RIC3: variants seen among roughly 807,000 people sequenced by gnomAD.
RIC3 encodes RIC3 acetylcholine receptor chaperone.
Under a neutral mutation model 27.3 loss-of-function variants are expected in RIC3, and 28 were observed. The ratio of observed to expected loss-of-function variants is 1.02; its 90% CI spans 0.76 to 1.41. The LOEUF (loss-of-function observed/expected upper bound fraction) is 1.41. Ranked by LOEUF, RIC3 falls within the 40% of genes most tolerant of loss-of-function variation. The pLI, the probability that RIC3 is intolerant of heterozygous loss-of-function variation, is 0.00. For missense variants in RIC3, 501 were observed against 444.7 expected (o/e 1.13, Z -1.14); for synonymous variants, 184 against 160.4 (o/e 1.15, Z -1.11).
At chr11:8,132,295 A>C (rs1947830813) in intron 4 of RIC3, among the ~76,000 whole-genome samples, 1 of 152,194 alleles carries the variant, frequency 6.6e-6, no homozygotes, top group Non-Finnish European at 1.5e-5. Context: ...CCTTTTCAAT[A>C]ATCTTCTAGC....
intron 4 of RIC3, among the ~76,000 whole-genome samples, chr11:8,130,154 T>C (rs1246177067): frequency 6.6e-6 from 1 of 152,212 alleles, no homozygotes; most frequent in East Asian, 1.9e-4. Context: ...GTGCAAAGAT[T>C]AACGTGAGCC....
intron 4 of RIC3, among the ~76,000 whole-genome samples, chr11:8,127,862 T>C (rs756381114): frequency 2.6e-5 from 4 of 152,214 alleles, no homozygotes; most frequent in Admixed American, 6.5e-5. Context: ...CAGCCTAACT[T>C]TAGCCTTAAT....
Position 8,107,431 on chromosome 11 carries a change from A to T in RIC3, c.*3267T>A, listed in dbSNP as rs539506973. ...GAAAGAGGGTTTTGTTTGTTTAGTCATCAGGTTCAAAAATCTTAAATGGCT... is the reference window on the plus strand; with the variant it reads ...GAAAGAGGGTTTTGTTTGTTTAGTCTTCAGGTTCAAAAATCTTAAATGGCT... On this transcript the variant is annotated 3_prime_UTR_variant, in exon 6 of 6. Transcript: ENST00000309737. 6.6e-6 allele frequency: 1 copy of T among 152,214 alleles called. No homozygotes were observed. Among genetic ancestry groups the T allele is most frequent in the Non-Finnish European group, 1.5e-5 (1 of 68,038 alleles). 9.4% of individuals were successfully genotyped at this position (152,214 alleles called of 1,614,324 possible).
chr11:8,161,785 G>C (rs1262162412), intron 1 of RIC3, among the ~76,000 whole-genome samples: 8 of 151,392 alleles, frequency 5.3e-5, no homozygotes, highest in Non-Finnish European at 1.0e-4. Flanking sequence ...GTGGGACAAT[G>C]ACTTGAGGCC....
chr11:8,095,660 G>A, the RIC3 span: 3 of 1,597,388 alleles, frequency 1.9e-6, no homozygotes, highest in Non-Finnish European at 2.6e-6. Flanking sequence ...ACGATGCAGA[G>A]GAAGGGTGAG....
chr11:8,137,729 T>C (rs1391610618), intron 3 of RIC3, among the ~76,000 whole-genome samples: 2 of 148,718 alleles, frequency 1.3e-5, no homozygotes, highest in East Asian at 2.0e-4. Flanking sequence ...AAACATGATT[T>C]CCTGCAATGC....
the RIC3 span, chr11:8,096,612 T>A: frequency 4.0e-6 from 4 of 994,232 alleles, no homozygotes; most frequent in Non-Finnish European, 6.5e-6. Context: ...AACATGAGTA[T>A]GTGACCATGT....
downstream of RIC3, chr11:8,104,075 C>G (rs1216448069): frequency 6.6e-6 from 1 of 152,236 alleles, no homozygotes; most frequent in East Asian, 1.9e-4. Flanking sequence ...TTTTCCTTGA[C>G]CACTGGCCCT....
intron 1 of RIC3, among the ~76,000 whole-genome samples, chr11:8,162,147 A>G (rs1010484621): frequency 2.0e-5 from 3 of 152,236 alleles, no homozygotes; most frequent in African/African-American, 7.2e-5. Flanking sequence ...TTGAGAACGA[A>G]CCCAGAGTGA....
intron 1 of RIC3, among the ~76,000 whole-genome samples, chr11:8,145,708 G>C (rs1949609779): frequency 6.6e-6 from 1 of 151,936 alleles, no homozygotes; most frequent in Admixed American, 6.6e-5. Context: ...TCCATCAAGA[G>C]CAGTCAAAAG....
At chr11:8,128,990 G>A (rs978109903) in intron 4 of RIC3, among the ~76,000 whole-genome samples, 2 of 151,814 alleles carry the variant, frequency 1.3e-5, no homozygotes, top group African/African-American at 2.4e-5. Flanking sequence ...TCCTGACCTC[G>A]TGATCCGCCC....
intron 4 of RIC3, among the ~76,000 whole-genome samples, chr11:8,134,782 C>T (rs1948170456): frequency 6.6e-6 from 1 of 152,184 alleles, no homozygotes; most frequent in Non-Finnish European, 1.5e-5. Context: ...CTTTTGGCTG[C>T]ATAAATGTCT....
chr11:8,162,008 A>G (rs942114915), intron 1 of RIC3, among the ~76,000 whole-genome samples: 1 of 131,194 alleles, frequency 7.6e-6, no homozygotes, highest in Non-Finnish European at 1.6e-5. Flanking sequence ...GTGAGGAGGT[A>G]ATGTCCGAAA....
rs1948872376 is a variant in RIC3 at position 8,140,048 on chromosome 11, ACCT to A, written c.267_269del (p.Gly90del). ...TCTGCCCCATCAGACCTCTTCCACT[ACCT>A]CCTCCTCCAGCACCTCCACCTGATC... On this transcript the variant is annotated inframe_deletion, in exon 2 of 6. Transcript: ENST00000309737. 1 of 1,613,644 alleles carries A rather than the reference ACCT, an allele frequency of 6.2e-7. No individual in the cohort carries two copies. The highest frequency in any genetic ancestry group is 1.3e-5 in the African/African-American group (1 of 74,782).
chr11:8,156,960 A>G (rs542546485), intron 1 of RIC3, among the ~76,000 whole-genome samples: 1 of 152,296 alleles, frequency 6.6e-6, no homozygotes, highest in East Asian at 1.9e-4. Context: ...GGTGTATATC[A>G]TATCTGAGAA....
intron 5 of RIC3, among the ~76,000 whole-genome samples, chr11:8,119,440 G>C (rs960887172): frequency 3.3e-5 from 5 of 152,136 alleles, no homozygotes; most frequent in Non-Finnish European, 7.3e-5. Context: ...AACAAGAAAC[G>C]GGGAAAGCAT....
intron 5 of RIC3, among the ~76,000 whole-genome samples, chr11:8,111,409 T>C (rs7116667): frequency 0.088 from 13,328 of 152,246 alleles, 680 homozygotes; most frequent in Admixed American, 0.13. Context: ...TCTTATACCA[T>C]GTGTTTTTGC....
chr11:8,124,507 C>T (rs188609571), intron 5 of RIC3, among the ~76,000 whole-genome samples: 242 of 152,304 alleles, frequency 1.6e-3, no homozygotes, highest in Non-Finnish European at 2.5e-3. Context: ...AAAATCCCAT[C>T]AGGCTTTTTC....
chr11:8,101,638 T>C, downstream of RIC3: 2 of 1,613,554 alleles, frequency 1.2e-6, no homozygotes, highest in African/African-American at 1.3e-5. Context: ...TCGTGCCCTT[T>C]GGGGTTGCCC....
Sources: gnomAD v4.1 joint callset for allele counts (sites outside exome capture counted in the v4.1 genomes callset) on GRCh38, gnomAD v4.1.1 for gene constraint, MANE v1.5 for transcripts, NCBI Gene and HGNC (gene_info 2026-07-23, HGNC 2026-07-21) for gene names.